ANKS1B: variants seen among roughly 807,000 people sequenced by gnomAD.
ANKS1B encodes ankyrin repeat and sterile alpha motif domain containing 1B.
In ANKS1B, 36 loss-of-function variants were observed where a neutral mutation model predicts 148.3. The ratio of observed to expected loss-of-function variants is 0.24; its 90% confidence interval spans 0.19 to 0.32. The LOEUF (loss-of-function observed/expected upper bound fraction) is 0.32. Among genes scored for constraint, ANKS1B ranks in the 10% least tolerant of loss-of-function variants. The probability of loss-of-function intolerance (pLI) is 1.00; values close to 1 mark genes in which losing one functional copy is unlikely to be tolerated. For missense variants in ANKS1B, 1,157 were observed against 1,542.6 expected (o/e 0.75, Z 4.19); for synonymous variants, 542 against 560.8 (o/e 0.97, Z 0.47).
chr12:99,382,937 A>G (rs1405278594), intron 12 of ANKS1B, among the ~76,000 whole-genome samples: 1 of 152,126 alleles, frequency 6.6e-6, no homozygotes, highest in Non-Finnish European at 1.5e-5. Context: ...TCAAGCCAGG[A>G]GAGTAAGCAG....
At chr12:99,120,253 A>G (rs1225534901) in intron 15 of ANKS1B, among the ~76,000 whole-genome samples, 5 of 152,198 alleles carry the variant, frequency 3.3e-5, no homozygotes, top group Non-Finnish European at 5.9e-5. Context: ...TGGGGAGAAC[A>G]AGCAAACTCC....
At chr12:99,078,638 T>C (rs1722535329) in intron 16 of ANKS1B, among the ~76,000 whole-genome samples, 1 of 152,164 alleles carries the variant, frequency 6.6e-6, no homozygotes, top group Non-Finnish European at 1.5e-5. Flanking sequence ...TTTTTCCTTG[T>C]AGTTTTTGAC....
At chr12:98,920,623 TTACCTCCCACCTGGTCCC>T (rs2099800164) in intron 17 of ANKS1B, among the ~76,000 whole-genome samples, 1 of 152,280 alleles carries the variant, frequency 6.6e-6, no homozygotes, top group Admixed American at 6.5e-5. Flanking sequence ...CATGATTCAG[TTACCTCCCACCTGGTCCC>T]TCCCACAACA....
At chr12:98,932,371 A>G (rs963717516) in intron 17 of ANKS1B, among the ~76,000 whole-genome samples, 1 of 152,222 alleles carries the variant, frequency 6.6e-6, no homozygotes, top group African/African-American at 2.4e-5. Flanking sequence ...ACTAAATGAC[A>G]TCATTTAATT....
At chr12:99,582,377 T>A (rs1451648613) in intron 9 of ANKS1B, among the ~76,000 whole-genome samples, 1 of 151,570 alleles carries the variant, frequency 6.6e-6, no homozygotes, top group African/African-American at 2.4e-5. Flanking sequence ...TGAAAACATT[T>A]GTCCACACAA....
chr12:98,838,421 C>G (rs1270042795), intron 17 of ANKS1B, among the ~76,000 whole-genome samples: 1 of 151,974 alleles, frequency 6.6e-6, no homozygotes, highest in East Asian at 1.9e-4. Context: ...CTGGGAAAAT[C>G]ACAAACCCAC....
intron 9 of ANKS1B, among the ~76,000 whole-genome samples, chr12:99,617,640 G>T (rs1258910795): frequency 6.6e-6 from 1 of 151,890 alleles, no homozygotes; most frequent in East Asian, 1.9e-4. Flanking sequence ...GCCTTTCAGG[G>T]GTTGGGGGAA....
intron 8 of ANKS1B, among the ~76,000 whole-genome samples, chr12:99,712,015 TA>T (rs1266301657): frequency 6.6e-6 from 1 of 152,138 alleles, no homozygotes; most frequent in East Asian, 1.9e-4. Context: ...TATCCAGTCA[TA>T]AAAAATAATG....
chr12:99,716,114 T>C (rs921147265), intron 8 of ANKS1B, among the ~76,000 whole-genome samples: 1 of 151,996 alleles, frequency 6.6e-6, no homozygotes, highest in Non-Finnish European at 1.5e-5. Flanking sequence ...CTCTACCCCT[T>C]CTCTGCTTTT....
intron 10 of ANKS1B, among the ~76,000 whole-genome samples, chr12:99,484,322 G>A (rs920319041): frequency 6.6e-6 from 1 of 151,882 alleles, no homozygotes; most frequent in Admixed American, 6.6e-5. Context: ...TCCTTTTTGA[G>A]TTGATTTCTG....
intron 17 of ANKS1B, among the ~76,000 whole-genome samples, chr12:98,866,287 T>A (rs892299486): frequency 6.6e-6 from 1 of 152,224 alleles, no homozygotes; most frequent in African/African-American, 2.4e-5. Flanking sequence ...CAACTGTCCA[T>A]CTCACTGCTA....
chr12:99,206,278 C>G (rs955916060), intron 14 of ANKS1B, among the ~76,000 whole-genome samples: 4 of 152,112 alleles, frequency 2.6e-5, no homozygotes, highest in African/African-American at 2.4e-5. Context: ...GCCACACTTG[C>G]CTTTTACACT....
chr12:99,413,128 C>A (rs369531917), intron 11 of ANKS1B, among the ~76,000 whole-genome samples: 1 of 152,210 alleles, frequency 6.6e-6, no homozygotes, highest in Non-Finnish European at 1.5e-5. Context: ...ATTTAAGAGA[C>A]GTGGACATTC....
At position 98,745,796 on chromosome 12, in the gene ANKS1B, C is replaced by T. The variant is rs2097868521; in HGVS notation, c.3801G>A (p.Glu1267=). 4 of 1,613,638 alleles carry T rather than the reference C, an allele frequency of 2.5e-6. No individual in the cohort carries two copies. The highest frequency in any genetic ancestry group is 3.3e-5 in the Admixed American group (2 of 59,996). Residue 1267 remains glutamate, a synonymous_variant, in exon 27 of 27, where the codon GAG becomes GAA. Coordinates refer to ENST00000683438, the MANE Select transcript of ANKS1B (RefSeq NM_001352186.2). ...TGCCCCTCTTGGCTTCTTGGCCCGG[C>T]TCCACAATCCACGGTAGATTGGCCA... The part of the protein sequence containing the change: ...KTLANLPWIV[E]PGQEAKRGIN...
chr12:99,669,501 C>T (rs987214669), intron 8 of ANKS1B, among the ~76,000 whole-genome samples: 19 of 152,064 alleles, frequency 1.2e-4, no homozygotes, highest in Non-Finnish European at 2.4e-4. Flanking sequence ...ACTGTTAAGA[C>T]TTACGTTCCC....
intron 9 of ANKS1B, among the ~76,000 whole-genome samples, chr12:99,566,047 T>C (rs73141660): frequency 0.011 from 1,662 of 152,294 alleles, 16 homozygotes; most frequent in Middle Eastern, 0.027. Context: ...CTGATATTTT[T>C]AGCAAAAGTC....
chr12:99,214,833 T>C (rs942804718), intron 14 of ANKS1B, among the ~76,000 whole-genome samples: 1 of 152,188 alleles, frequency 6.6e-6, no homozygotes, highest in Non-Finnish European at 1.5e-5. Context: ...ACTTGTTGAA[T>C]GGTTTTGACC....
At chr12:99,461,827 G>A (rs531801095) in intron 10 of ANKS1B, among the ~76,000 whole-genome samples, 40 of 152,300 alleles carry the variant, frequency 2.6e-4, no homozygotes, top group South Asian at 8.3e-4. Context: ...GCTAACCCAT[G>A]TATTTCATTA....
intron 12 of ANKS1B, among the ~76,000 whole-genome samples, chr12:99,293,560 A>T (rs1424695143): frequency 6.6e-6 from 1 of 152,218 alleles, no homozygotes; most frequent in African/African-American, 2.4e-5. Context: ...TAAGATTTCA[A>T]GCTATGAAAC....
Sources: allele counts gnomAD v4.1 joint callset (sites outside exome capture counted in the v4.1 genomes callset), GRCh38; gene constraint gnomAD v4.1.1; transcripts MANE v1.5; gene names NCBI Gene and HGNC (gene_info 2026-07-23, HGNC 2026-07-21).